Variants in DPY19L3 observed in about 807,000 individuals in gnomAD.
The protein encoded by DPY19L3 is protein C-mannosyl-transferase DPY19L3.
A neutral mutation model predicts 92.3 loss-of-function variants in DPY19L3; 51 were observed. That is an observed-to-expected ratio of 0.55 (90% CI 0.44 to 0.70). DPY19L3 has a LOEUF of 0.70. DPY19L3 is among the 30% of genes least tolerant of loss of function. The probability of loss-of-function intolerance (pLI) is 0.00; values close to 1 mark genes in which losing one functional copy is unlikely to be tolerated. For synonymous variants in DPY19L3, 309 were observed against 315.2 expected (o/e 0.98, Z 0.21); for missense variants, 706 against 855.9 (o/e 0.82, Z 2.18).
chr19:32,436,349 A>T, intron 4 of DPY19L3, 97 bp from the exon 5 acceptor site: 1 of 906,390 alleles, frequency 1.1e-6, no homozygotes, highest in Non-Finnish European at 1.5e-6. Flanking sequence ...TGCCTACCAC[A>T]GTCTCTAGCA....
intron 16 of DPY19L3, among the ~76,000 whole-genome samples, chr19:32,474,159 T>G (rs960457086): frequency 6.6e-6 from 1 of 152,250 alleles, no homozygotes; most frequent in Non-Finnish European, 1.5e-5. Flanking sequence ...TTTTACTGCT[T>G]TAAAATAAAG....
intron 3 of DPY19L3, chr19:32,412,038 A>C (rs1258480218): frequency 1.3e-5 from 2 of 151,994 alleles, no homozygotes; most frequent in African/African-American, 4.8e-5. Context: ...CACCTCACCA[A>C]GCTAAATTTG....
chr19:32,414,289 C>T (rs62104850), intron 3 of DPY19L3, among the ~76,000 whole-genome samples: 59,545 of 151,758 alleles, frequency 0.39, 13,675 homozygotes, highest in Non-Finnish European at 0.53. Context: ...GGCATGGTGG[C>T]GGGCACCTGT....
intron 16 of DPY19L3, 92 bp downstream of exon 16, chr19:32,468,905 C>A: frequency 1.6e-6 from 2 of 1,265,286 alleles, no homozygotes; most frequent in South Asian, 1.6e-5. Flanking sequence ...TTGTTTGTTT[C>A]TGAATCTAAT....
chr19:32,484,414 CCT>C lies in DPY19L3; in HGVS notation c.*2179_*2180del. The C allele has an allele frequency of 6.6e-6, 1 of 152,352 alleles. No individual in the cohort carries two copies. The allele number at this position is 152,352 out of a possible 1,614,324, so 9.4% of individuals were successfully genotyped here. A position where few individuals can be genotyped will look rare whatever the true frequency, so the allele number is the denominator to read the frequency against. The stretch of plus-strand genomic sequence containing the variant: ...TCTGACTTCTAGCTCTGGCTTACAG[CCT>C]CTCTACCAGGCCGAAGCAAGAGACC... On this transcript the variant is annotated 3_prime_UTR_variant, in exon 19 of 19. Transcript: ENST00000392250.
At chr19:32,424,539 A>C (rs562711989) in intron 3 of DPY19L3, among the ~76,000 whole-genome samples, 5 of 151,894 alleles carry the variant, frequency 3.3e-5, no homozygotes, top group African/African-American at 1.2e-4. Context: ...GTGCAATGGG[A>C]TGATCACCTG....
intron 8 of DPY19L3, among the ~76,000 whole-genome samples, chr19:32,443,615 A>G (rs1969392240): frequency 6.6e-6 from 1 of 152,122 alleles, no homozygotes; most frequent in African/African-American, 2.4e-5. Context: ...ATGAGAAGTA[A>G]CTTTTTTGTT....
intron 8 of DPY19L3, among the ~76,000 whole-genome samples, chr19:32,442,208 T>A (rs1969346936): frequency 6.6e-6 from 1 of 152,176 alleles, no homozygotes; most frequent in Non-Finnish European, 1.5e-5. Context: ...TACAGTACAT[T>A]TTGTCATCTT....
chr19:32,433,927 G>A (rs867211341), intron 4 of DPY19L3, among the ~76,000 whole-genome samples: 1 of 152,116 alleles, frequency 6.6e-6, no homozygotes. Context: ...TTATTTCAGA[G>A]GGGATGCAAA....
At chr19:32,423,206 T>C (rs373746882) in intron 3 of DPY19L3, among the ~76,000 whole-genome samples, 42 of 152,172 alleles carry the variant, frequency 2.8e-4, no homozygotes, top group African/African-American at 9.9e-4. Context: ...TAATGTTATA[T>C]TAGGTACAAA....
chr19:32,423,500 G>A (rs1232955966), intron 3 of DPY19L3, among the ~76,000 whole-genome samples: 1 of 149,358 alleles, frequency 6.7e-6, no homozygotes, highest in African/African-American at 2.5e-5. Flanking sequence ...CCTGAGCTCA[G>A]GCAGTCCATC....
chr19:32,446,141 C>T (rs868038437), intron 8 of DPY19L3, among the ~76,000 whole-genome samples: 1 of 152,064 alleles, frequency 6.6e-6, no homozygotes, highest in African/African-American at 2.4e-5. Context: ...TTCTATGCCT[C>T]ACTCAAACAG....
At chr19:32,423,135 T>C (rs936241846) in intron 3 of DPY19L3, among the ~76,000 whole-genome samples, 2 of 152,142 alleles carry the variant, frequency 1.3e-5, no homozygotes, top group African/African-American at 4.8e-5. Context: ...GGGCTCAAAT[T>C]TATTTAACTA....
At chr19:32,432,894 A>G (rs545448880) in intron 4 of DPY19L3, 88 bp downstream of exon 4, 1 of 1,031,188 alleles carries the variant, frequency 9.7e-7, no homozygotes, top group South Asian at 1.4e-5. Flanking sequence ...AACCACTTAA[A>G]TGCTCTCTAG....
intron 3 of DPY19L3, among the ~76,000 whole-genome samples, chr19:32,431,927 C>T (rs1968983461): frequency 6.6e-6 from 1 of 152,106 alleles, no homozygotes; most frequent in African/African-American, 2.4e-5. Flanking sequence ...AAAAAAATAA[C>T]ACTTTCAGGG....
chr19:32,475,953 A>G (rs1470002632), intron 16 of DPY19L3, among the ~76,000 whole-genome samples: 3 of 152,210 alleles, frequency 2.0e-5, no homozygotes, highest in East Asian at 1.9e-4. Flanking sequence ...GTCATTATGT[A>G]TGCTCATTGT....
At chr19:32,437,821 A>T (rs1416152188) in intron 6 of DPY19L3, among the ~76,000 whole-genome samples, 10 of 151,976 alleles carry the variant, frequency 6.6e-5, no homozygotes, top group Admixed American at 6.6e-4. Flanking sequence ...GACTTTTAAA[A>T]TTTTTATTTA....
intron 15 of DPY19L3, among the ~76,000 whole-genome samples, chr19:32,465,157 T>C (rs1970163312): frequency 1.3e-5 from 2 of 152,258 alleles, no homozygotes; most frequent in African/African-American, 4.8e-5. Flanking sequence ...AAATGTATCT[T>C]ACTTTAAGCT....
At chr19:32,469,336 A>T (rs1200223598) in intron 16 of DPY19L3, among the ~76,000 whole-genome samples, 2 of 152,046 alleles carry the variant, frequency 1.3e-5, no homozygotes, top group African/African-American at 4.8e-5. Context: ...GTCTGTCTCT[A>T]CTAAAAATAC....
Sources: gnomAD v4.1 joint callset for allele counts (sites outside exome capture counted in the v4.1 genomes callset) on GRCh38, gnomAD v4.1.1 for gene constraint, MANE v1.5 for transcripts, NCBI Gene and HGNC (gene_info 2026-07-23, HGNC 2026-07-21) for gene names.